POLD3: variants seen among roughly 807,000 people sequenced by gnomAD.
POLD3 encodes DNA polymerase delta subunit 3.
POLD3 carries 19 observed loss-of-function variants against 58.2 expected under a neutral mutation model. The observed-to-expected ratio is 0.33, with a 90% CI of 0.23 to 0.48. The LOEUF (loss-of-function observed/expected upper bound fraction) is 0.48, where lower values mean the gene tolerates loss of function less well. Among genes scored for constraint, POLD3 ranks in the 20% least tolerant of loss-of-function variants. The pLI, the probability that POLD3 is intolerant of heterozygous loss-of-function variation, is 0.99. For synonymous variants in POLD3, 172 were observed against 193.5 expected (o/e 0.89, Z 0.92); for missense variants, 504 against 545.5 (o/e 0.92, Z 0.76).
At chr11:74,644,887 C>G (rs1462310833), downstream of POLD3, among the ~76,000 whole-genome samples, 1 of 152,170 alleles carries the variant, frequency 6.6e-6, no homozygotes, top group South Asian at 2.1e-4. Flanking sequence ...CATGGCATGT[C>G]TTTTACCGGA....
intron 4 of POLD3, among the ~76,000 whole-genome samples, chr11:74,662,656 C>T (rs2033219092): frequency 6.6e-6 from 1 of 152,054 alleles, no homozygotes; most frequent in African/African-American, 2.4e-5. Flanking sequence ...GGAGGAGTGG[C>T]ACAAGCACTC....
chr11:74,601,333 A>T (rs956745182), intron 2 of POLD3, among the ~76,000 whole-genome samples: 1 of 152,198 alleles, frequency 6.6e-6, no homozygotes, highest in African/African-American at 2.4e-5. Flanking sequence ...TAGAGGGCAA[A>T]GAGGAGGAAT....
intron 4 of POLD3, among the ~76,000 whole-genome samples, chr11:74,653,886 AG>A (rs2033099616): frequency 1.3e-5 from 2 of 152,230 alleles, no homozygotes; most frequent in African/African-American, 4.8e-5. Flanking sequence ...AGGCTGTACA[AG>A]CATGGTGCCA....
In POLD3 at chr11:74,592,649, C is replaced by G. The variant is rs978938843; in HGVS notation, c.-10C>G. 1 of 1,607,868 alleles carries G rather than the reference C, an allele frequency of 6.2e-7. No homozygotes were observed. The highest frequency in any genetic ancestry group is 1.7e-5 in the Admixed American group (1 of 59,300). ...GAGGGGTTAGAGGCGGGTCCCAGCG[C>G]TGCCGCACCATGGCGGACCAGCTTT... On this transcript the variant is annotated 5_prime_UTR_variant, in exon 1 of 12. Coordinates refer to ENST00000263681, the MANE Select transcript of POLD3 (RefSeq NM_006591.3).
chr11:74,610,848 C>T lies in POLD3; in HGVS notation c.220-651C>T, dbSNP rs936997664. ...GGAGTGCAGTGGCACAATCTCAGCT[C>T]ATTGCAACCTCCGCCTCCCAGGTTC... On this transcript the variant is annotated intron_variant, in intron 3 of 11. Coordinates refer to ENST00000263681, the MANE Select transcript of POLD3 (RefSeq NM_006591.3). 1.3e-5 allele frequency among the ~76,000 whole-genome samples: 2 copies of T among 152,098 alleles called. 1 individual carries two copies. Among genetic ancestry groups the T allele is most frequent in the South Asian group, 4.1e-4 (2 of 4,828 alleles).
chr11:74,657,199 T>C (rs573200724), intron 4 of POLD3, among the ~76,000 whole-genome samples: 1 of 152,192 alleles, frequency 6.6e-6, no homozygotes, highest in East Asian at 1.9e-4. Context: ...TTATAGGCAA[T>C]AGATTATTGT....
At chr11:74,629,189 C>G (rs369259890) in intron 8 of POLD3, 28 bp from the exon 9 acceptor site, 1 of 1,350,118 alleles carries the variant, frequency 7.4e-7, no homozygotes, top group African/African-American at 1.5e-5. Flanking sequence ...CTGTGTAACA[C>G]GCTTAATTTA....
Position 74,611,935 on chromosome 11 carries a change from G to C in POLD3, c.259+397G>C, listed in dbSNP as rs568766953. Reference sequence around the variant, plus strand: ...ACTTCTAAATTAAATTTGTCTAACTGTTTCAAGACTATCAGTGCTACCGTT... The same window carrying C: ...ACTTCTAAATTAAATTTGTCTAACTCTTTCAAGACTATCAGTGCTACCGTT... On this transcript the variant is annotated intron_variant, in intron 4 of 11. Coordinates refer to ENST00000263681, the MANE Select transcript of POLD3 (RefSeq NM_006591.3). Among the ~76,000 whole-genome samples the C allele has an allele frequency of 3.3e-5, 5 of 152,336 alleles. No homozygotes were observed. The South Asian group carries it at 1.0e-3, about 32-fold the overall frequency.
At chr11:74,615,903 T>C (rs1165527918) in intron 5 of POLD3, among the ~76,000 whole-genome samples, 1 of 152,042 alleles carries the variant, frequency 6.6e-6, no homozygotes, top group Non-Finnish European at 1.5e-5. Context: ...TTTCTTTAGC[T>C]CAAAACCTTG....
At chr11:74,609,219 A>G (rs2031800527) in intron 3 of POLD3, among the ~76,000 whole-genome samples, 1 of 151,418 alleles carries the variant, frequency 6.6e-6, no homozygotes, top group Non-Finnish European at 1.5e-5. Flanking sequence ...ACTGTACTGA[A>G]GCCACCAATT....
intron 7 of POLD3, among the ~76,000 whole-genome samples, chr11:74,624,383 T>C (rs1360562533): frequency 6.6e-6 from 1 of 152,190 alleles, no homozygotes; most frequent in African/African-American, 2.4e-5. Flanking sequence ...ATAAATAGAT[T>C]GCATTTTACA....
rs1808926265 is a variant in POLD3, at chr11:74,594,098, A to G, written c.98A>G (p.His33Arg). Residue 33 changes from histidine to arginine, a missense_variant, in exon 2 of 12, where the codon CAT becomes CGT. This residue lies in a region of POLD3 where 119 missense variants were observed against 175.0 expected (regional missense o/e 0.68). Coordinates refer to ENST00000263681, the MANE Select transcript of POLD3 (RefSeq NM_006591.3). ...TGGCTGAGCTATACACTAGGGGTTC[A>G]TGTTAACCAGGCCAAACAGTAAGTC... Reference protein sequence around the residue: ...YKWLSYTLGVHVNQAKQMLYD... With the variant: ...YKWLSYTLGVRVNQAKQMLYD... 1.2e-6 allele frequency: 2 copies of G among 1,603,782 alleles called. No individual in the cohort carries two copies. The highest frequency in any genetic ancestry group is 1.3e-5 in the African/African-American group (1 of 74,722).
intron 2 of POLD3, among the ~76,000 whole-genome samples, chr11:74,601,416 AAAAT>A (rs1388392545): frequency 1.3e-5 from 2 of 152,208 alleles, no homozygotes; most frequent in Admixed American, 6.5e-5. Context: ...CGTCATATGT[AAAAT>A]AAATAGTTAG....
rs181867232 is a variant in POLD3, at chr11:74,660,512, G to A, written c.370-8265G>A. On this transcript the variant is annotated intron_variant, in intron 4 of 4. Transcript: ENST00000524752. ...ATTCTTTATTATTATTTTTTCTTTT[G>A]TCTCCTGATATGGTTTGGATTTGTG... is the stretch of plus-strand genomic sequence containing the variant. 1.5e-3 allele frequency among the ~76,000 whole-genome samples: 225 copies of A among 151,388 alleles called. 1 individual carries two copies. The highest frequency in any genetic ancestry group is 3.4e-3 in the Middle Eastern group (1 of 292).
chr11:74,597,408 AT>A (rs2031312724), intron 2 of POLD3, among the ~76,000 whole-genome samples: 1 of 152,232 alleles, frequency 6.6e-6, no homozygotes, highest in Non-Finnish European at 1.5e-5. Flanking sequence ...GTTTAAAAAA[AT>A]CATGGTTATC....
At position 74,641,573 on chromosome 11, in the gene POLD3, G is replaced by C; in HGVS notation, c.*807G>C. On this transcript the variant is annotated 3_prime_UTR_variant, in exon 12 of 12. Transcript: ENST00000263681. ...CGGGGTGTGCTTTATGCTGCTCTTTGCGGTTTGTTGATCCCCTCCTCCCCC... is the reference window on the plus strand; with the variant it reads ...CGGGGTGTGCTTTATGCTGCTCTTTCCGGTTTGTTGATCCCCTCCTCCCCC... 1.0e-6 allele frequency: 1 copy of C among 985,426 alleles called. No individual in the cohort carries two copies. The highest frequency in any genetic ancestry group is 1.2e-6 in the Non-Finnish European group (1 of 829,950). The allele number at this position is 985,426 out of a possible 1,614,324, so 61.0% of individuals were successfully genotyped here.
intron 4 of POLD3, among the ~76,000 whole-genome samples, chr11:74,662,101 A>AG (rs1311849309): frequency 2.0e-5 from 3 of 152,138 alleles, no homozygotes; most frequent in African/African-American, 7.2e-5. Context: ...TCTCTGGCCC[A>AG]GGGCAGGTCC....
chr11:74,630,143 A>G (rs1339429190), intron 9 of POLD3, among the ~76,000 whole-genome samples: 1 of 152,200 alleles, frequency 6.6e-6, no homozygotes, highest in Non-Finnish European at 1.5e-5. Context: ...AACAGATACT[A>G]AAAGGGAGAG....
chr11:74,618,671 G>C lies in POLD3; in HGVS notation c.527G>C (p.Gly176Ala), dbSNP rs1376289574. 1.9e-6 allele frequency: 3 copies of C among 1,614,122 alleles called. No individual in the cohort carries two copies. The highest frequency in any genetic ancestry group is 2.5e-6 in the Non-Finnish European group (3 of 1,180,010). Residue 176 changes from glycine to alanine, a missense_variant, in exon 6 of 12, where the codon GGT becomes GCT. Physicochemically the swap from Gly to Ala is moderately conservative, Grantham distance 60. This residue lies in a region of POLD3 where 385 missense variants were observed against 370.5 expected (regional missense o/e 1.04). Transcript: ENST00000263681. ...TQANNELTTN[G>A]HGPPASKQVS... ...GCCAACAATGAGCTGACCACCAATG[G>C]TCATGGCCCACCTGCATCCAAGCAG...
Sources: allele counts gnomAD v4.1 joint callset (sites outside exome capture counted in the v4.1 genomes callset), GRCh38; gene constraint gnomAD v4.1.1; regional missense constraint gnomAD v4.1.1; transcripts MANE v1.5; gene names NCBI Gene and HGNC (gene_info 2026-07-23, HGNC 2026-07-21).